The following HIBADH variants were observed in gnomAD, a reference collection of about 807,000 sequenced individuals.
The protein encoded by HIBADH is 3-hydroxyisobutyrate dehydrogenase.
HIBADH carries 25 observed loss-of-function variants against 36.1 expected under a neutral mutation model. The observed-to-expected ratio is 0.69, with a 90% CI of 0.50 to 0.97. HIBADH has a LOEUF of 0.97. Ranked by LOEUF, HIBADH falls within the 50% of genes least tolerant of loss-of-function variation. HIBADH has a pLI of 0.00. For missense variants in HIBADH, 421 were observed against 418.0 expected, an observed-to-expected ratio of 1.01 and a Z score of -0.06; for synonymous variants, 160 against 149.5, an observed-to-expected ratio of 1.07 and a Z score of -0.51.
chr7:27,649,262 C>T (rs1786132528), intron 2 of HIBADH: 11 of 398,106 alleles, frequency 2.8e-5, no homozygotes, highest in East Asian at 1.9e-4. Flanking sequence ...TCCAAGTCAC[C>T]TGCCAAAGAA....
intron 4 of HIBADH, among the ~76,000 whole-genome samples, chr7:27,590,816 G>A (rs1449679792): frequency 1.3e-5 from 2 of 152,152 alleles, no homozygotes; most frequent in Admixed American, 1.3e-4. Flanking sequence ...AATTAGAAAA[G>A]CACTTTCTTA....
chr7:27,551,285 A>G (rs1784316201), intron 4 of HIBADH, among the ~76,000 whole-genome samples: 1 of 152,190 alleles, frequency 6.6e-6, no homozygotes, highest in Non-Finnish European at 1.5e-5. Flanking sequence ...AAGACTTGGA[A>G]AGAAATCACA....
chr7:27,634,218 T>C (rs895702421), intron 2 of HIBADH, among the ~76,000 whole-genome samples: 8 of 152,154 alleles, frequency 5.3e-5, no homozygotes, highest in Non-Finnish European at 1.2e-4. Context: ...AAAAAGATAT[T>C]CTCTTTTAAT....
chr7:27,589,237 A>G (rs956840735), intron 4 of HIBADH, among the ~76,000 whole-genome samples: 5 of 152,202 alleles, frequency 3.3e-5, no homozygotes, highest in African/African-American at 1.2e-4. Context: ...ATTTTTAAAA[A>G]TCACTAAAAT....
At chr7:27,660,659 C>G (rs907400073) in intron 1 of HIBADH, among the ~76,000 whole-genome samples, 1 of 142,634 alleles carries the variant, frequency 7.0e-6, no homozygotes, top group African/African-American at 2.7e-5. Flanking sequence ...ACAAAGACTC[C>G]GAGGGAAAAA....
intron 4 of HIBADH, among the ~76,000 whole-genome samples, chr7:27,621,215 G>A (rs893562695): frequency 1.6e-4 from 25 of 152,052 alleles, no homozygotes; most frequent in African/African-American, 2.9e-4. Flanking sequence ...CAACACTGGA[G>A]CACCCAGATT....
chr7:27,650,374 T>C (rs368884518), intron 1 of HIBADH, among the ~76,000 whole-genome samples: 9 of 151,686 alleles, frequency 5.9e-5, no homozygotes, highest in Non-Finnish European at 1.2e-4. Context: ...GATACCTCCA[T>C]AGGCTTTAAA....
Position 27,531,248 on chromosome 7 carries a change from C to T in HIBADH, c.796G>A (p.Gly266Ser). 6.2e-7 allele frequency: 1 copy of T among 1,613,976 alleles called. No homozygotes were observed. Among genetic ancestry groups the T allele is most frequent in the Non-Finnish European group, 8.5e-7 (1 of 1,179,932 alleles). Residue 266 changes from glycine to serine, a missense_variant, in exon 7 of 8, where the codon GGC becomes AGC. By Grantham distance (56) the Gly-to-Ser change is moderately conservative. Transcript: ENST00000265395. ...TYNPVPGVMDGVPSANNYQGG... is the reference protein window; with the variant it reads ...TYNPVPGVMDSVPSANNYQGG... ...TGATAGTTATTAGCCGAGGGAACGC[C>T]ATCCATCACTCCAGGTACAGGATTA...
intron 4 of HIBADH, among the ~76,000 whole-genome samples, chr7:27,620,105 A>G (rs1054506295): frequency 1.3e-5 from 2 of 152,132 alleles, no homozygotes; most frequent in African/African-American, 4.8e-5. Context: ...GGAGCGCTTG[A>G]GCCCAGGAGT....
At chr7:27,545,126 T>C (rs1439961174) in intron 4 of HIBADH, among the ~76,000 whole-genome samples, 1 of 152,138 alleles carries the variant, frequency 6.6e-6, no homozygotes, top group Non-Finnish European at 1.5e-5. Flanking sequence ...TATAACACTA[T>C]CAAGCCTAGT....
intron 6 of HIBADH, among the ~76,000 whole-genome samples, chr7:27,536,280 T>C (rs540717930): frequency 2.6e-5 from 4 of 152,266 alleles, no homozygotes; most frequent in South Asian, 4.1e-4. Context: ...CCTCATGTTA[T>C]GAAAATAAGC....
rs775572203 is a variant in HIBADH, at chr7:27,632,443, T to C, written c.255A>G (p.Val85=). The stretch of plus-strand genomic sequence containing the variant: ...CAGCAACATCTGCTGGGGAAGATAC[T>C]ACCTTTAAAAAAAATTGCAAAGGCA... ...CKEFQDAGEQ[V]VSSPADVAEK... Residue 85 remains valine, a splice_region_variant and synonymous_variant, in exon 3 of 8, where the codon GTA becomes GTG. Coordinates refer to ENST00000265395, the MANE Select transcript of HIBADH (RefSeq NM_152740.4). The C allele has an allele frequency of 6.2e-7, 1 of 1,608,364 alleles. No homozygotes were observed. The highest frequency in any genetic ancestry group is 1.7e-5 in the Admixed American group (1 of 59,980).
At chr7:27,538,301 C>A in intron 6 of HIBADH, 40 bp downstream of exon 6, 1 of 1,422,092 alleles carries the variant, frequency 7.0e-7, no homozygotes, top group Non-Finnish European at 9.9e-7. Context: ...ATAGGAAAGC[C>A]TATAAAAATG....
Position 27,662,734 on chromosome 7 carries a change from G to C in HIBADH, c.55C>G (p.Arg19Gly), listed in dbSNP as rs1011055426. 5 of 1,395,876 alleles carry C rather than the reference G, an allele frequency of 3.6e-6. No individual in the cohort carries two copies. The highest frequency in any genetic ancestry group is 4.7e-6 in the Non-Finnish European group (5 of 1,069,400). 86.5% of individuals were successfully genotyped at this position (1,395,876 alleles called of 1,614,324 possible). The change falls in exon 1 of 8, where the codon CGG becomes GGG. Residue 19 changes from arginine to glycine, a missense_variant. Transcript: ENST00000265395. ...CTGCCGGCTGCCGGCCGCAGCCGCC[G>C]GCTCCAGTACCGGAGACCGGAGGCA... ...GAASGLRYWS[R>G]RLRPAAGSFA...
rs185080054 is a variant in HIBADH, at chr7:27,611,487, C to A, written c.484+17884G>T. ...CAACACTGTGGTAGCAGACCCACTG[C>A]GTGTGTGCGCGCACACACACACACC... On this transcript the variant is annotated intron_variant, in intron 4 of 7. Coordinates refer to ENST00000265395, the MANE Select transcript of HIBADH (RefSeq NM_152740.4). 1.6e-4 allele frequency among the ~76,000 whole-genome samples: 21 copies of A among 133,556 alleles called. No homozygotes were observed. The Admixed American group carries it at 1.7e-3, about 11-fold the overall frequency. The allele number at this position is 133,556 out of a possible 152,430, so 87.6% of individuals were successfully genotyped here.
At chr7:27,594,845 A>C (rs572922561) in intron 4 of HIBADH, among the ~76,000 whole-genome samples, 37 of 152,346 alleles carry the variant, frequency 2.4e-4, no homozygotes, top group African/African-American at 8.9e-4. Flanking sequence ...GGGGCATTTG[A>C]AATTAGGGTA....
intron 1 of HIBADH, among the ~76,000 whole-genome samples, chr7:27,655,657 A>T (rs1225019056): frequency 6.6e-6 from 1 of 152,228 alleles, no homozygotes; most frequent in Non-Finnish European, 1.5e-5. Flanking sequence ...TTTGTTTTAT[A>T]TGTAAAATAA....
intron 7 of HIBADH, among the ~76,000 whole-genome samples, chr7:27,527,529 C>T (rs1783922085): frequency 6.6e-6 from 1 of 152,074 alleles, no homozygotes; most frequent in African/African-American, 2.4e-5. Context: ...CACATCTTGT[C>T]TTAGTGTGCT....
chr7:27,658,080 C>A (rs1786339661), intron 1 of HIBADH, among the ~76,000 whole-genome samples: 1 of 151,802 alleles, frequency 6.6e-6, no homozygotes, highest in South Asian at 2.1e-4. Flanking sequence ...GTAGGAGAAG[C>A]CCTGTATCTG....
Sources: gnomAD v4.1 joint callset for allele counts (sites outside exome capture counted in the v4.1 genomes callset) on GRCh38, gnomAD v4.1.1 for gene constraint, MANE v1.5 for transcripts, NCBI Gene and HGNC (gene_info 2026-07-23, HGNC 2026-07-21) for gene names.